The following BTN3A3 variants were observed in gnomAD, a reference collection of about 807,000 sequenced individuals.
BTN3A3 encodes butyrophilin 3.
BTN3A3 carries 39 observed loss-of-function variants against 43.2 expected under a neutral mutation model. The observed-to-expected ratio is 0.90, with a 90% CI of 0.70 to 1.18. The LOEUF (loss-of-function observed/expected upper bound fraction) is 1.18. Ranked by LOEUF, BTN3A3 falls within the 50% of genes most tolerant of loss-of-function variation. The probability of loss-of-function intolerance (pLI) is 0.00; values close to 1 mark genes in which losing one functional copy is unlikely to be tolerated. For missense variants in BTN3A3, 631 were observed against 722.8 expected, an observed-to-expected ratio of 0.87 and a Z score of 1.46; for synonymous variants, 255 against 272.7, an observed-to-expected ratio of 0.93 and a Z score of 0.64.
rs1762720809 is a variant in BTN3A3 at position 26,444,459 on chromosome 6, G to A, written c.433+155G>A. 4.2e-6 allele frequency: 5 copies of A among 1,203,390 alleles called. No individual in the cohort carries two copies. In the Admixed American group the frequency reaches 1.2e-4, roughly 29 times the overall value. The allele number at this position is 1,203,390 out of a possible 1,614,324, so 74.5% of individuals were successfully genotyped here. ...TAGCTTCTCTGCAACCCTTAAGAAAGACACATTCTTTCTTTAGAAAGAATT... is the reference window on the plus strand; with the variant it reads ...TAGCTTCTCTGCAACCCTTAAGAAAAACACATTCTTTCTTTAGAAAGAATT... On this transcript the variant is annotated intron_variant, in intron 4 of 10. Transcript: ENST00000244519.
Position 26,448,452 on chromosome 6 carries a change from T to G in BTN3A3, c.916+4T>G. The stretch of plus-strand genomic sequence containing the variant: ...GAGCAAGAAATAAGCCTAAGAGGTA[T>G]CCAACGCAAGCAGAGAATCTAAGCC... On this transcript the variant is annotated splice_donor_region_variant and intron_variant, in intron 6 of 10. Coordinates refer to ENST00000244519, the MANE Select transcript of BTN3A3 (RefSeq NM_006994.5). 1.2e-6 allele frequency: 2 copies of G among 1,612,040 alleles called. No individual in the cohort carries two copies. Among genetic ancestry groups the G allele is most frequent in the African/African-American group, 2.7e-5 (2 of 74,810 alleles).
At chr6:26,441,262 C>T (rs1351619392) in intron 1 of BTN3A3, among the ~76,000 whole-genome samples, 1 of 152,170 alleles carries the variant, frequency 6.6e-6, no homozygotes, top group Non-Finnish European at 1.5e-5. Flanking sequence ...TAGATCCATA[C>T]ATTAAACCTT....
chr6:26,445,633 C>A lies in BTN3A3; in HGVS notation c.434-71C>A. Reference sequence around the variant, plus strand: ...CTTGGATTATCAAATGTGAGTCTGCCATTGATTCCCATTGAGACCCTCCCT... The same window carrying A: ...CTTGGATTATCAAATGTGAGTCTGCAATTGATTCCCATTGAGACCCTCCCT... On this transcript the variant is annotated intron_variant, in intron 4 of 10. Transcript: ENST00000244519. The A allele has an allele frequency of 4.0e-6, 6 of 1,509,384 alleles. No homozygotes were observed. The South Asian group carries it at 6.2e-5, about 16-fold the overall frequency. The allele number at this position is 1,509,384 out of a possible 1,614,324, so 93.5% of individuals were successfully genotyped here. A position where few individuals can be genotyped will look rare whatever the true frequency, so the allele number is the denominator to read the frequency against.
chr6:26,446,355 T>G (rs1314710106), intron 5 of BTN3A3, among the ~76,000 whole-genome samples: 1 of 152,042 alleles, frequency 6.6e-6, no homozygotes, highest in East Asian at 1.9e-4. Flanking sequence ...AACAGAAGAG[T>G]TTGAAAACTG....
chr6:26,452,861 A>G lies in BTN3A3; in HGVS notation c.*450A>G, dbSNP rs562127605. On this transcript the variant is annotated 3_prime_UTR_variant, in exon 11 of 11. Transcript: ENST00000244519. ...TTCCTTCCCAGGACAGCTGCAGGGTAGAGATCATTTTAAGTGCTTGTGGAG... is the reference window on the plus strand; with the variant it reads ...TTCCTTCCCAGGACAGCTGCAGGGTGGAGATCATTTTAAGTGCTTGTGGAG... 3 of 169,320 alleles carry G rather than the reference A, an allele frequency of 1.8e-5. No homozygotes were observed. The East Asian group carries it at 4.9e-4, about 28-fold the overall frequency. 10.5% of individuals were successfully genotyped at this position (169,320 alleles called of 1,614,324 possible).
intron 4 of BTN3A3, 124 bp from the exon 5 acceptor site, chr6:26,445,579 TG>T: frequency 8.1e-7 from 1 of 1,236,226 alleles, no homozygotes; most frequent in Non-Finnish European, 1.1e-6. Flanking sequence ...TGACCACACT[TG>T]TGTAAATAGC....
Position 26,443,613 on chromosome 6 carries a change from C to T in BTN3A3, c.39C>T (p.Asn13=). 4 of 1,614,224 alleles carry T rather than the reference C, an allele frequency of 2.5e-6. No individual in the cohort carries two copies. The highest frequency in any genetic ancestry group is 3.4e-6 in the Non-Finnish European group (4 of 1,180,036). The change falls in exon 3 of 11, where the codon AAC becomes AAT. Residue 13 remains asparagine (N), a synonymous_variant. Coordinates refer to ENST00000244519, the MANE Select transcript of BTN3A3 (RefSeq NM_006994.5). ...GTTCCCTGGCTTTCCTTCTGCTCAA[C>T]TTTCATGTCTCCCTCTTCTTGGTCC... ...MASSLAFLLL[N]FHVSLFLVQL...
At chr6:26,442,098 TC>T (rs1762652314) in intron 1 of BTN3A3, among the ~76,000 whole-genome samples, 1 of 152,150 alleles carries the variant, frequency 6.6e-6, no homozygotes, top group Non-Finnish European at 1.5e-5. Context: ...AGACCTCTGT[TC>T]CGGTGCTTTC....
At chr6:26,450,946 C>T (rs1762914359) in intron 10 of BTN3A3, among the ~76,000 whole-genome samples, 2 of 152,146 alleles carry the variant, frequency 1.3e-5, no homozygotes, top group Admixed American at 1.3e-4. Flanking sequence ...TTTCTCCTTC[C>T]AATCTTCTAT....
chr6:26,444,378 A>G, intron 4 of BTN3A3, 74 bp downstream of exon 4: 1 of 1,608,222 alleles, frequency 6.2e-7, no homozygotes. Context: ...CTCTTCCAAA[A>G]GTACTGCAGA....
At chr6:26,451,530 T>C in intron 10 of BTN3A3, 145 bp from the exon 11 acceptor site, 3 of 1,436,170 alleles carry the variant, frequency 2.1e-6, no homozygotes, top group African/African-American at 1.4e-5. Context: ...TCCCATGACA[T>C]TGATGAGAGA....
Position 26,445,760 on chromosome 6 carries a change from C to G in BTN3A3, c.490C>G (p.Leu164Val), listed in dbSNP as rs1762759329. The change falls in exon 5 of 11, where the codon CTG becomes GTG. Residue 164 changes from leucine (L) to valine (V), a missense_variant. Transcript: ENST00000244519. Reference protein sequence around the residue: ...VKGYEDGGIHLECRSTGWYPQ... With the variant: ...VKGYEDGGIHVECRSTGWYPQ... ...GGGTTATGAGGATGGAGGGATCCATCTGGAGTGCAGGTCCACTGGCTGGTA... is the reference window on the plus strand; with the variant it reads ...GGGTTATGAGGATGGAGGGATCCATGTGGAGTGCAGGTCCACTGGCTGGTA... The G allele has an allele frequency of 1.2e-6, 2 of 1,614,074 alleles. No individual in the cohort carries two copies. Among genetic ancestry groups the G allele is most frequent in the Admixed American group, 1.7e-5 (1 of 59,998 alleles).
In BTN3A3 at chr6:26,452,322, C is replaced by T; in HGVS notation, c.1666C>T (p.Leu556Phe). 1 of 1,613,386 alleles carries T rather than the reference C, an allele frequency of 6.2e-7. No individual in the cohort carries two copies. The highest frequency in any genetic ancestry group is 8.5e-7 in the Non-Finnish European group (1 of 1,180,014). The change falls in exon 11 of 11, where the codon CTC (leucine) becomes TTC (phenylalanine). Residue 556 changes from leucine (L) to phenylalanine (F), a missense_variant. Leu to Phe is a conservative substitution (Grantham distance 22). This residue lies in a region of BTN3A3 where 551 missense variants were observed against 584.0 expected (regional missense o/e 0.94). Transcript: ENST00000244519. ...TCAGGCTGAAGTAACATCTCTGCTT[C>T]TCCCTGCCCACCCTGGAGCTGAGGT... The part of the protein sequence containing the change: ...EPQAEVTSLL[L>F]PAHPGAEVSP...
chr6:26,452,462 T>C lies in BTN3A3; in HGVS notation c.*51T>C, dbSNP rs773869839. 7.5e-6 allele frequency: 11 copies of C among 1,471,444 alleles called. No homozygotes were observed. The highest frequency in any genetic ancestry group is 6.4e-5 in the Admixed American group (3 of 46,838). 91.1% of individuals were successfully genotyped at this position (1,471,444 alleles called of 1,614,324 possible). A position where few individuals can be genotyped will look rare whatever the true frequency, so the allele number is the denominator to read the frequency against. On this transcript the variant is annotated 3_prime_UTR_variant, in exon 11 of 11. Transcript: ENST00000244519. ...AGTTGTTTTGAGTTTCGTACCACCT[T>C]ATTGTCCCCTTATACAGATAAGGAA...
rs1741743 is a variant in BTN3A3 at position 26,443,456 on chromosome 6, T to C, written c.-6+14T>C. 6.6e-5 allele frequency: 101 copies of C among 1,537,064 alleles called. No individual in the cohort carries two copies. The East Asian group carries it at 9.8e-4, about 15-fold the overall frequency. ...TTTTTGGCAGAGGTAAGATCTTCTTTGGTCACCATACTTGAGTTAGCCCTG... is the reference window on the plus strand; with the variant it reads ...TTTTTGGCAGAGGTAAGATCTTCTTCGGTCACCATACTTGAGTTAGCCCTG... On this transcript the variant is annotated intron_variant, in intron 2 of 10. Transcript: ENST00000244519.
intron 4 of BTN3A3, chr6:26,444,520 C>CT: frequency 1.4e-6 from 1 of 720,030 alleles, no homozygotes; most frequent in Non-Finnish European, 2.3e-6. Context: ...AAACAACTCC[C>CT]TCCCTCTGAC....
intron 5 of BTN3A3, among the ~76,000 whole-genome samples, chr6:26,447,776 A>G (rs1183178518): frequency 6.6e-6 from 1 of 152,180 alleles, no homozygotes; most frequent in African/African-American, 2.4e-5. Context: ...AAGTAGTCCA[A>G]CATCACACTG....
chr6:26,447,701 A>G (rs1012722476), intron 5 of BTN3A3, among the ~76,000 whole-genome samples: 3 of 152,188 alleles, frequency 2.0e-5, no homozygotes, highest in Admixed American at 2.0e-4. Flanking sequence ...TTCTAACCTC[A>G]GGAGATAGGC....
At chr6:26,450,902 G>A (rs1269369189) in intron 10 of BTN3A3, among the ~76,000 whole-genome samples, 1 of 152,180 alleles carries the variant, frequency 6.6e-6, no homozygotes, top group Non-Finnish European at 1.5e-5. Flanking sequence ...TGGCAGGGAG[G>A]AAGCAGGAGA....
Sources: allele counts gnomAD v4.1 joint callset (sites outside exome capture counted in the v4.1 genomes callset), GRCh38; gene constraint gnomAD v4.1.1; regional missense constraint gnomAD v4.1.1; transcripts MANE v1.5; gene names NCBI Gene and HGNC (gene_info 2026-07-23, HGNC 2026-07-21).